Variants in SYNPO2L observed in about 807,000 individuals in gnomAD.
The protein encoded by SYNPO2L is synaptopodin 2-like protein.
A neutral mutation model predicts 47.5 loss-of-function variants in SYNPO2L; 34 were observed. The ratio of observed to expected loss-of-function variants is 0.72; its 90% CI spans 0.54 to 0.95. SYNPO2L has a LOEUF of 0.95. Among genes scored for constraint, SYNPO2L ranks in the 40% least tolerant of loss-of-function variants. The pLI, the probability that SYNPO2L is intolerant of heterozygous loss-of-function variation, is 0.00. For synonymous variants in SYNPO2L, 536 were observed against 524.9 expected (o/e 1.02, Z -0.29); for missense variants, 1,246 against 1,282.0 (o/e 0.97, Z 0.43).
In SYNPO2L at chr10:73,653,436, G is replaced by T; in HGVS notation, c.475C>A (p.Arg159Ser). ...GGGGTGGGCCTTGTGGGGCCTCGGCGGCGAGGTCGACGGGGCTTCTCCTGG... is the reference window on the plus strand; with the variant it reads ...GGGGTGGGCCTTGTGGGGCCTCGGCTGCGAGGTCGACGGGGCTTCTCCTGG... The part of the protein sequence containing the change: ...ATQEKPRRPR[R>S]RGPTRPTPPG... The change falls in exon 3 of 4, where the codon CGC becomes AGC. Residue 159 changes from arginine to serine, a missense_variant. Coordinates refer to ENST00000394810, the MANE Select transcript of SYNPO2L (RefSeq NM_001114133.3). 6.4e-7 allele frequency: 1 copy of T among 1,551,454 alleles called. No individual in the cohort carries two copies. Among genetic ancestry groups the T allele is most frequent in the Non-Finnish European group, 8.7e-7 (1 of 1,146,794 alleles).
chr10:73,650,021 C>T, intron 3 of SYNPO2L: 2 of 985,404 alleles, frequency 2.0e-6, no homozygotes, highest in Non-Finnish European at 2.4e-6. Flanking sequence ...CACACAAAGA[C>T]TATGTGCTAA....
chr10:73,654,195 A>T lies in SYNPO2L; in HGVS notation c.191T>A (p.Leu64His). 1.1e-5 allele frequency: 17 copies of T among 1,551,554 alleles called. No homozygotes were observed. The highest frequency in any genetic ancestry group is 1.4e-5 in the Non-Finnish European group (16 of 1,146,950). Residue 64 changes from leucine (L) to histidine (H), a missense_variant, in exon 2 of 4, where the codon CTC becomes CAC. By Grantham distance (99) the Leu-to-His change is moderately conservative. Around this residue, in one of 3 missense-constraint regions of SYNPO2L, gnomAD observed 148 missense variants for 204.8 expected, o/e 0.72. Transcript: ENST00000394810. ...GAGGCTCATGGCACTGGCATGGGAGAGGTTGGTGCAAGAGACCCCATTGAT... is the reference window on the plus strand; with the variant it reads ...GAGGCTCATGGCACTGGCATGGGAGTGGTTGGTGCAAGAGACCCCATTGAT... ...LAINGVSCTN[L>H]SHASAMSLID...
intron 3 of SYNPO2L, 54 bp from the exon 4 acceptor site, chr10:73,648,933 C>T: frequency 6.9e-7 from 1 of 1,445,790 alleles, no homozygotes; most frequent in African/African-American, 1.4e-5. Context: ...CTCTTTTAGT[C>T]CTGTTCCCCA....
At chr10:73,649,626 C>A in intron 3 of SYNPO2L, 1 of 690,122 alleles carries the variant, frequency 1.4e-6, no homozygotes, top group Non-Finnish European at 1.8e-6. Context: ...TGTAAATACA[C>A]ATGTGTGCAC....
In SYNPO2L at chr10:73,647,050, G is replaced by A. The variant is rs763741746; in HGVS notation, c.2602C>T (p.Pro868Ser). Residue 868 changes from proline to serine, a missense_variant, in exon 4 of 4, where the codon CCC (proline) becomes TCC (serine). Pro to Ser is a moderately conservative substitution (Grantham distance 74, BLOSUM62 -1). Coordinates refer to ENST00000394810, the MANE Select transcript of SYNPO2L (RefSeq NM_001114133.3). ...KTAMFCFDEVPPTPGPIASGS... is the reference protein window; with the variant it reads ...KTAMFCFDEVSPTPGPIASGS... ...GAGGCGATAGGGCCAGGAGTCGGGG[G>A]AACCTCATCAAAACAGAACATGGCA... 6.8e-6 allele frequency: 11 copies of A among 1,613,810 alleles called. No homozygotes were observed. In the African/African-American group the frequency reaches 1.2e-4, roughly 18 times the overall value.
chr10:73,648,561 G>T lies in SYNPO2L; in HGVS notation c.1091C>A (p.Ala364Glu). ...CTGGCCCTCTGATGCTCTTGAGCCC[G>T]CCCTGGCAAGCTCCATGTCCAGATA... ...SPYLDMELAR[A>E]GSRASEGQGS... Residue 364 changes from alanine (A) to glutamate (E), a missense_variant, in exon 4 of 4, where the codon GCG becomes GAG. Transcript: ENST00000394810. The T allele has an allele frequency of 6.2e-7, 1 of 1,614,150 alleles. No individual in the cohort carries two copies. The highest frequency in any genetic ancestry group is 8.5e-7 in the Non-Finnish European group (1 of 1,180,008).
In SYNPO2L at chr10:73,647,817, T is replaced by C. The variant is rs2081785183; in HGVS notation, c.1835A>G (p.Gln612Arg). ...GAPEPPSARE[Q>R]RISVPAARTG... Reference sequence around the variant, plus strand: ...GCGGGCAGCTGGCACAGAGATGCGCTGCTCGCGAGCGCTGGGGGGCTCAGG... The same window carrying C: ...GCGGGCAGCTGGCACAGAGATGCGCCGCTCGCGAGCGCTGGGGGGCTCAGG... Residue 612 changes from glutamine (Q) to arginine (R), a missense_variant, in exon 4 of 4, where the codon CAG becomes CGG. Physicochemically the swap from Gln to Arg is conservative, Grantham distance 43. Coordinates refer to ENST00000394810, the MANE Select transcript of SYNPO2L (RefSeq NM_001114133.3). 1 of 1,594,940 alleles carries C rather than the reference T, an allele frequency of 6.3e-7. No individual in the cohort carries two copies. The highest frequency in any genetic ancestry group is 2.2e-5 in the East Asian group (1 of 44,606).
chr10:73,652,435 G>A lies in SYNPO2L; in HGVS notation c.772+704C>T, dbSNP rs188323573. ...TGTAATCCCAGCACTTTGGGAGGCCGAGGTAGGCATATCACCTGAGGTCAG... is the reference window on the plus strand; with the variant it reads ...TGTAATCCCAGCACTTTGGGAGGCCAAGGTAGGCATATCACCTGAGGTCAG... On this transcript the variant is annotated intron_variant, in intron 3 of 3. Coordinates refer to ENST00000394810, the MANE Select transcript of SYNPO2L (RefSeq NM_001114133.3). 2.5e-3 allele frequency among the ~76,000 whole-genome samples: 380 copies of A among 152,214 alleles called. 2 individuals are homozygous for A. The highest frequency in any genetic ancestry group is 8.1e-3 in the African/African-American group (337 of 41,542).
rs2081861964 is a variant in SYNPO2L at position 73,654,163 on chromosome 10, C to T, written c.223G>A (p.Ala75Thr). Residue 75 changes from alanine to threonine, a missense_variant, in exon 2 of 4, where the codon GCC (alanine) becomes ACC (threonine). Physicochemically the swap from Ala to Thr is moderately conservative, Grantham distance 58. Coordinates refer to ENST00000394810, the MANE Select transcript of SYNPO2L (RefSeq NM_001114133.3). Reference sequence around the variant, plus strand: ...GTGAGGACAAGCTGATTTCCTGAGGCATCGATGAGGCTCATGGCACTGGCA... The same window carrying T: ...GTGAGGACAAGCTGATTTCCTGAGGTATCGATGAGGCTCATGGCACTGGCA... ...SHASAMSLIDASGNQLVLTVQ... is the reference protein window; with the variant it reads ...SHASAMSLIDTSGNQLVLTVQ... 6.4e-7 allele frequency: 1 copy of T among 1,551,642 alleles called. No homozygotes were observed. Among genetic ancestry groups the T allele is most frequent in the Non-Finnish European group, 8.7e-7 (1 of 1,146,970 alleles).
In SYNPO2L at chr10:73,645,290, C is replaced by G. The variant is rs565042235; in HGVS notation, c.*1428G>C. ...ACATTCTTCTCCCTCAAATTTTTTT[C>G]CAATCCCCCTCTCACACACGGTTGG... On this transcript the variant is annotated 3_prime_UTR_variant, in exon 4 of 4. Coordinates refer to ENST00000394810, the MANE Select transcript of SYNPO2L (RefSeq NM_001114133.3). 7.4e-6 allele frequency: 8 copies of G among 1,087,494 alleles called. No individual in the cohort carries two copies. The highest frequency in any genetic ancestry group is 9.0e-6 in the Non-Finnish European group (8 of 886,470). 67.4% of individuals were successfully genotyped at this position (1,087,494 alleles called of 1,614,324 possible).
rs2081816457 is a variant in SYNPO2L, at chr10:73,649,220, A to G, written c.773-341T>C. Among the ~76,000 whole-genome samples, 3 of 152,244 alleles carry G rather than the reference A, an allele frequency of 2.0e-5. 1 individual carries two copies. In the South Asian group the frequency reaches 6.2e-4, roughly 32 times the overall value. On this transcript the variant is annotated intron_variant, in intron 3 of 3. Coordinates refer to ENST00000394810, the MANE Select transcript of SYNPO2L (RefSeq NM_001114133.3). The stretch of plus-strand genomic sequence containing the variant: ...ACCTGCCTCCCATTCCTGACTGGCA[A>G]TGGGAGGGGGAGGAGAAGGATGTGT...
At chr10:73,653,002 C>T in intron 3 of SYNPO2L, 137 bp downstream of exon 3, 6 of 1,078,496 alleles carry the variant, frequency 5.6e-6, no homozygotes, top group East Asian at 2.8e-5. Context: ...TTATGCTCCC[C>T]TTCTACTCAT....
chr10:73,649,807 T>C (rs141134373), intron 3 of SYNPO2L: 22 of 985,280 alleles, frequency 2.2e-5, no homozygotes, highest in Non-Finnish European at 2.2e-5. Context: ...CCCCTGCTAC[T>C]CACAGTCAGG....
chr10:73,652,651 A>C (rs1198627510), intron 3 of SYNPO2L, among the ~76,000 whole-genome samples: 4 of 152,158 alleles, frequency 2.6e-5, no homozygotes, highest in African/African-American at 9.7e-5. Flanking sequence ...GCCTAGGCAC[A>C]AGAGCCAAAC....
Position 73,648,311 on chromosome 10 carries a change from G to T in SYNPO2L, c.1341C>A (p.Pro447=). ...CTCCACCACCTGGTTGGAAGGGTCT[G>T]GGGCTGGCTACAGGCGCCGGCAAGG... ...PSPLPAPVAS[P]RPFQPGGGAP... is the part of the protein sequence containing the mutation. Residue 447 remains proline, a synonymous_variant, in exon 4 of 4, where the codon CCC becomes CCA. Coordinates refer to ENST00000394810, the MANE Select transcript of SYNPO2L (RefSeq NM_001114133.3). 1 of 1,604,824 alleles carries T rather than the reference G, an allele frequency of 6.2e-7. No individual in the cohort carries two copies.
chr10:73,654,262 C>T lies in SYNPO2L; in HGVS notation c.124G>A (p.Ala42Thr). The change falls in exon 2 of 4, where the codon GCT becomes ACT. Residue 42 changes from alanine (A) to threonine (T), a missense_variant. Coordinates refer to ENST00000394810, the MANE Select transcript of SYNPO2L (RefSeq NM_001114133.3). ...CTCTCTCGGAGTCCTGCTCTGCCAG[C>T]CTGGCTCCGTCTTCGAATCTGAGAT... The part of the protein sequence containing the change: ...QVSKIRRRSQ[A>T]GRAGLRERDQ... 6.4e-7 allele frequency: 1 copy of T among 1,551,546 alleles called. No individual in the cohort carries two copies. The highest frequency in any genetic ancestry group is 8.7e-7 in the Non-Finnish European group (1 of 1,146,978).
In SYNPO2L at chr10:73,647,643, G is replaced by C. The variant is rs1355092879; in HGVS notation, c.2009C>G (p.Ser670Cys). The C allele has an allele frequency of 6.2e-7, 1 of 1,614,178 alleles. No homozygotes were observed. The highest frequency in any genetic ancestry group is 1.1e-5 in the South Asian group (1 of 91,086). The change falls in exon 4 of 4, where the codon TCT becomes TGT. Residue 670 changes from serine to cysteine, a missense_variant. Around this residue, in one of 3 missense-constraint regions of SYNPO2L, gnomAD observed 1,037 missense variants for 1,021.5 expected, o/e 1.02. Transcript: ENST00000394810. ...GCTCAGAGCATCTTCTTCAGGACCA[G>C]ATTCTGCACCCCCGGCCCGAGGCTT... Reference protein sequence around the residue: ...DEKPRAGGAESGPEEDALSLG... With the variant: ...DEKPRAGGAECGPEEDALSLG...
intron 3 of SYNPO2L, chr10:73,651,126 G>A (rs1452781447): frequency 1.4e-6 from 2 of 1,383,740 alleles, no homozygotes; most frequent in Middle Eastern, 5.4e-4. Context: ...TGCTATTTTT[G>A]GAGCCTGGCC....
Position 73,654,007 on chromosome 10 carries a change from C to T in SYNPO2L, c.257+122G>A, listed in dbSNP as rs924931908. ...CAGACACAAACCATCTGCACTCCAG[C>T]AGAAACGCACGAGCAGAAATAGGTA... On this transcript the variant is annotated intron_variant, in intron 2 of 3. Transcript: ENST00000394810. The T allele has an allele frequency of 3.1e-6, 4 of 1,307,466 alleles. No individual in the cohort carries two copies. The East Asian group carries it at 1.0e-4, about 33-fold the overall frequency. 81.0% of individuals were successfully genotyped at this position (1,307,466 alleles called of 1,614,324 possible).
Sources: gnomAD v4.1 joint callset for allele counts (sites outside exome capture counted in the v4.1 genomes callset) on GRCh38, gnomAD v4.1.1 for gene constraint, gnomAD v4.1.1 regional missense constraint, MANE v1.5 for transcripts, NCBI Gene and HGNC (gene_info 2026-07-23, HGNC 2026-07-21) for gene names.